Variants in PTPRM observed in about 807,000 individuals in gnomAD.
PTPRM encodes receptor-type tyrosine-protein phosphatase mu.
Under a neutral mutation model 186.7 loss-of-function variants are expected in PTPRM, and 47 were observed. The ratio of observed to expected loss-of-function variants is 0.25; its 90% CI spans 0.20 to 0.32. The LOEUF is 0.32. Ranked by LOEUF, PTPRM falls within the 10% of genes least tolerant of loss-of-function variation. PTPRM has a pLI of 1.00. For missense variants in PTPRM, 1,494 were observed against 1,865.0 expected, an observed-to-expected ratio of 0.80 and a Z score of 3.66; for synonymous variants, 668 against 674.9, an observed-to-expected ratio of 0.99 and a Z score of 0.16.
intron 1 of PTPRM, among the ~76,000 whole-genome samples, chr18:7,671,746 C>T (rs1199758716): frequency 6.6e-6 from 1 of 151,922 alleles, no homozygotes. Context: ...GCAGAGAAAG[C>T]CAGAGTTTTT....
intron 1 of PTPRM, among the ~76,000 whole-genome samples, chr18:7,766,090 A>G (rs59007236): frequency 0.04 from 6,082 of 152,278 alleles, 325 homozygotes; most frequent in African/African-American, 0.12. Flanking sequence ...CAGTTCGTAT[A>G]TAAGCACTGT....
intron 4 of PTPRM, among the ~76,000 whole-genome samples, chr18:7,918,432 T>G (rs1200601051): frequency 6.6e-6 from 1 of 152,212 alleles, no homozygotes; most frequent in Non-Finnish European, 1.5e-5. Flanking sequence ...AAAGCCATCA[T>G]AAGTGGAGTA....
intron 7 of PTPRM, among the ~76,000 whole-genome samples, chr18:7,998,681 A>G (rs982294166): frequency 6.6e-6 from 1 of 152,010 alleles, no homozygotes; most frequent in African/African-American, 2.4e-5. Flanking sequence ...TTTTGAGACA[A>G]TCTTGCTGTG....
chr18:7,575,049 A>T (rs538105961), intron 1 of PTPRM, among the ~76,000 whole-genome samples: 1 of 152,030 alleles, frequency 6.6e-6, no homozygotes, highest in East Asian at 1.9e-4. Flanking sequence ...AGAAAAAAAT[A>T]ATGAAGATTT....
intron 22 of PTPRM, among the ~76,000 whole-genome samples, chr18:8,322,679 A>G (rs145720354): frequency 6.6e-6 from 1 of 152,316 alleles, no homozygotes; most frequent in East Asian, 1.9e-4. Flanking sequence ...AAGTGATCGT[A>G]TTTCACAATC....
At chr18:7,985,707 C>T (rs1458741865) in intron 7 of PTPRM, among the ~76,000 whole-genome samples, 2 of 151,190 alleles carry the variant, frequency 1.3e-5, no homozygotes, top group East Asian at 3.9e-4. Flanking sequence ...TTGATACAGG[C>T]ATGCAATGCA....
chr18:8,280,422 C>T (rs2094890348), intron 19 of PTPRM, among the ~76,000 whole-genome samples: 1 of 138,436 alleles, frequency 7.2e-6, no homozygotes, highest in African/African-American at 2.7e-5. Flanking sequence ...GGGGGGGGGT[C>T]ACAATTCAGC....
rs566156105 is a variant in PTPRM, at chr18:8,232,305, T to C, written c.2301-11753T>C. ...TTCATAGCTTATTCCTTTGTAACACTGAACAATATTCCATTGTCTAAATGT... is the reference window on the plus strand; with the variant it reads ...TTCATAGCTTATTCCTTTGTAACACCGAACAATATTCCATTGTCTAAATGT... On this transcript the variant is annotated intron_variant, in intron 14 of 32. Coordinates refer to ENST00000580170, the MANE Select transcript of PTPRM (RefSeq NM_001105244.2). 3.3e-5 allele frequency among the ~76,000 whole-genome samples: 5 copies of C among 152,358 alleles called. No individual in the cohort carries two copies. In the South Asian group the frequency reaches 1.0e-3, roughly 32 times the overall value.
chr18:7,925,930 G>A (rs757446455), intron 4 of PTPRM, among the ~76,000 whole-genome samples: 1 of 152,114 alleles, frequency 6.6e-6, no homozygotes, highest in Non-Finnish European at 1.5e-5. Context: ...ACGAGACAAT[G>A]GTGTTCACCA....
intron 8 of PTPRM, among the ~76,000 whole-genome samples, chr18:8,075,682 G>A (rs1298245089): frequency 6.6e-6 from 1 of 151,822 alleles, no homozygotes; most frequent in Non-Finnish European, 1.5e-5. Flanking sequence ...TTGAAAAATG[G>A]CATCAAACTT....
intron 23 of PTPRM, among the ~76,000 whole-genome samples, chr18:8,347,586 C>T (rs2095512251): frequency 6.6e-6 from 1 of 152,174 alleles, no homozygotes; most frequent in Admixed American, 6.5e-5. Context: ...CAGTGGTGGT[C>T]GCTGTTCCTT....
intron 1 of PTPRM, among the ~76,000 whole-genome samples, chr18:7,638,634 T>G (rs1242773544): frequency 6.6e-6 from 1 of 152,212 alleles, no homozygotes; most frequent in Non-Finnish European, 1.5e-5. Context: ...AAGTACTACA[T>G]CACAATATTA....
intron 14 of PTPRM, among the ~76,000 whole-genome samples, chr18:8,204,605 C>T (rs1454894506): frequency 6.6e-6 from 1 of 151,946 alleles, no homozygotes; most frequent in African/African-American, 2.4e-5. Flanking sequence ...CACAAGGAGT[C>T]CTATTAGCAA....
At chr18:7,834,415 A>ATATGTATATGTAAATATAAG (rs202121483) in intron 2 of PTPRM, among the ~76,000 whole-genome samples, 2 of 132,812 alleles carry the variant, frequency 1.5e-5, no homozygotes, top group African/African-American at 2.8e-5. Context: ...TAAATATAAT[A>ATATGTATATGTAAATATAAG]TATGTATATG....
At chr18:7,685,376 C>T (rs1482252483) in intron 1 of PTPRM, among the ~76,000 whole-genome samples, 1 of 151,950 alleles carries the variant, frequency 6.6e-6, no homozygotes, top group Non-Finnish European at 1.5e-5. Context: ...CTTGATGCCC[C>T]GAAGGGTGTG....
intron 7 of PTPRM, among the ~76,000 whole-genome samples, chr18:7,994,038 A>G (rs2083401257): frequency 6.6e-6 from 1 of 152,094 alleles, no homozygotes; most frequent in Admixed American, 6.6e-5. Context: ...AAAATATATA[A>G]TATAGCAAGA....
intron 24 of PTPRM, among the ~76,000 whole-genome samples, chr18:8,372,721 GA>G (rs5823006): frequency 0.68 from 98,976 of 145,616 alleles, 34,531 homozygotes; most frequent in African/African-American, 0.87. Context: ...GGCAGAATTG[GA>G]AAAAAAAAAA....
chr18:8,176,205 TAG>T (rs3046337), intron 14 of PTPRM, among the ~76,000 whole-genome samples: 78,615 of 149,300 alleles, frequency 0.53, 20,727 homozygotes, highest in Middle Eastern at 0.64. Flanking sequence ...GGCAGTATAA[TAG>T]AGAGAGAGAG....
At chr18:8,113,200 A>T (rs1247154027) in intron 11 of PTPRM, among the ~76,000 whole-genome samples, 1 of 152,212 alleles carries the variant, frequency 6.6e-6, no homozygotes, top group Non-Finnish European at 1.5e-5. Context: ...TGCTCACATA[A>T]ACAGTAGAGA....
Sources: gnomAD v4.1 joint callset for allele counts (sites outside exome capture counted in the v4.1 genomes callset) on GRCh38, gnomAD v4.1.1 for gene constraint, MANE v1.5 for transcripts, NCBI Gene and HGNC (gene_info 2026-07-23, HGNC 2026-07-21) for gene names.